Variants in COL28A1 observed in about 807,000 individuals in gnomAD.
COL28A1 encodes the protein collagen type XXVIII alpha 1 chain, also known as collagen alpha-1(XXVIII) chain.
A neutral mutation model predicts 150.2 loss-of-function variants in COL28A1; 161 were observed. The observed-to-expected ratio is 1.07, with a 90% CI of 0.94 to 1.22. The LOEUF is 1.22. Ranked by LOEUF, COL28A1 falls within the 50% of genes most tolerant of loss-of-function variation. The pLI is 0.00. For synonymous variants in COL28A1, 552 were observed against 469.7 expected, an observed-to-expected ratio of 1.18 and a Z score of -2.26; for missense variants, 1,617 against 1,388.3, an observed-to-expected ratio of 1.16 and a Z score of -2.62.
intron 33 of COL28A1, among the ~76,000 whole-genome samples, chr7:7,362,192 T>C (rs1209541258): frequency 2.6e-5 from 4 of 152,188 alleles, no homozygotes; most frequent in Non-Finnish European, 4.4e-5. Flanking sequence ...TAAAAAATCA[T>C]GTCAGTCATT....
chr7:7,490,792 C>T (rs1779875055), intron 11 of COL28A1, 146 bp from the exon 12 acceptor site: 2 of 457,296 alleles, frequency 4.4e-6, no homozygotes, highest in East Asian at 3.4e-5. Context: ...TTGTTTACAA[C>T]TCATTTGGAA....
the COL28A1 span, among the ~76,000 whole-genome samples, chr7:7,345,258 T>C: frequency 6.6e-5 from 10 of 152,050 alleles, no homozygotes; most frequent in South Asian, 2.1e-4. Context: ...AAAATAAAAG[T>C]TTCTCATGAT....
chr7:7,481,367 A>G (rs1012651426), intron 13 of COL28A1, among the ~76,000 whole-genome samples: 6 of 152,230 alleles, frequency 3.9e-5, no homozygotes, highest in African/African-American at 1.4e-4. Flanking sequence ...TATATTCTCA[A>G]GTCTTCCAGT....
At position 7,404,041 on chromosome 7, in the gene COL28A1, A is replaced by G. The variant is rs143394389; in HGVS notation, c.2136+13818T>C. On this transcript the variant is annotated intron_variant, in intron 27 of 34. Coordinates refer to ENST00000399429, the MANE Select transcript of COL28A1 (RefSeq NM_001037763.3). ...CCCTGTTGCAGTGTATTCTCAGCCCAAGAGTCACAGTCATTTTTTTTTAAT... is the reference window on the plus strand; with the variant it reads ...CCCTGTTGCAGTGTATTCTCAGCCCGAGAGTCACAGTCATTTTTTTTTAAT... Among the ~76,000 whole-genome samples, 456 of 152,294 alleles carry G rather than the reference A, an allele frequency of 3.0e-3. 1 individual carries two copies. The highest frequency in any genetic ancestry group is 7.1e-3 in the Admixed American group (109 of 15,296).
Position 7,390,026 on chromosome 7 carries a change from A to G in COL28A1, c.2137-8414T>C, listed in dbSNP as rs141978391. On this transcript the variant is annotated intron_variant, in intron 27 of 34. Coordinates refer to ENST00000399429, the MANE Select transcript of COL28A1 (RefSeq NM_001037763.3). ...TGCCTTGGCCAGAACTTCCAATACT[A>G]TGTTGAATAGGAATGGTGAGAGAGG... Among the ~76,000 whole-genome samples the G allele has an allele frequency of 8.0e-3, 1,223 of 152,264 alleles. 25 individuals carry two copies. The highest frequency in any genetic ancestry group is 0.028 in the African/African-American group (1,171 of 41,548).
intron 18 of COL28A1, among the ~76,000 whole-genome samples, chr7:7,450,189 C>T (rs1786579863): frequency 6.6e-6 from 1 of 152,066 alleles, no homozygotes; most frequent in Non-Finnish European, 1.5e-5. Flanking sequence ...GACTATTCAA[C>T]AACTGATTCT....
intron 27 of COL28A1, among the ~76,000 whole-genome samples, chr7:7,389,631 A>G (rs1022929944): frequency 6.6e-6 from 1 of 152,248 alleles, no homozygotes; most frequent in African/African-American, 2.4e-5. Flanking sequence ...GTCCATGAGC[A>G]TGGAGTGCTT....
rs186951365 is a variant in COL28A1, at chr7:7,516,328, C to T, written c.856-488G>A. On this transcript the variant is annotated intron_variant, in intron 7 of 34. Transcript: ENST00000399429. Reference sequence around the variant, plus strand: ...TCCATTATGGTCCTCCTTACAAATTCGGTCTAAGATATATAACATCAAGGA... The same window carrying T: ...TCCATTATGGTCCTCCTTACAAATTTGGTCTAAGATATATAACATCAAGGA... Among the ~76,000 whole-genome samples the T allele has an allele frequency of 2.8e-3, 427 of 152,270 alleles. 4 individuals are homozygous for T. The highest frequency in any genetic ancestry group is 9.7e-3 in the African/African-American group (401 of 41,554).
At chr7:7,530,483 TA>T in intron 3 of COL28A1, among the ~76,000 whole-genome samples, 1 of 152,192 alleles carries the variant, frequency 6.6e-6, no homozygotes, top group East Asian at 1.9e-4. Flanking sequence ...GCTCAGTACA[TA>T]AAGGACACCT....
chr7:7,537,479 A>T (rs1220214261), upstream of COL28A1, among the ~76,000 whole-genome samples: 4 of 152,184 alleles, frequency 2.6e-5, no homozygotes, highest in East Asian at 7.7e-4. Context: ...CCTTGTACTT[A>T]GTAGATGTTG....
intron 15 of COL28A1, among the ~76,000 whole-genome samples, chr7:7,473,492 C>T (rs1287398456): frequency 3.3e-5 from 5 of 152,192 alleles, no homozygotes; most frequent in Non-Finnish European, 7.4e-5. Flanking sequence ...TGTGATACCA[C>T]CTTACTCCTG....
At chr7:7,407,207 G>A (rs1037365273) in intron 27 of COL28A1, among the ~76,000 whole-genome samples, 2 of 151,978 alleles carry the variant, frequency 1.3e-5, no homozygotes, top group South Asian at 2.1e-4. Flanking sequence ...GAACTAAAAC[G>A]TTTAACTAAT....
intron 15 of COL28A1, among the ~76,000 whole-genome samples, chr7:7,469,692 C>G (rs1276080992): frequency 1.3e-5 from 1 of 79,824 alleles, no homozygotes; most frequent in Non-Finnish European, 2.4e-5. Flanking sequence ...AGGCATCACA[C>G]TACCTGACTT....
chr7:7,384,769 G>A (rs1782085035), intron 27 of COL28A1, among the ~76,000 whole-genome samples: 1 of 152,108 alleles, frequency 6.6e-6, no homozygotes, highest in African/African-American at 2.4e-5. Context: ...ACCCTGGATA[G>A]GAATTTGTAC....
chr7:7,515,939 A>C, intron 7 of COL28A1, 99 bp from the exon 8 acceptor site: 2 of 694,286 alleles, frequency 2.9e-6, no homozygotes, highest in Non-Finnish European at 2.6e-6. Flanking sequence ...ACAAAAACAC[A>C]TCTATACAGT....
chr7:7,351,580 A>G (rs1295391611), downstream of COL28A1, among the ~76,000 whole-genome samples: 1 of 152,186 alleles, frequency 6.6e-6, no homozygotes, highest in Non-Finnish European at 1.5e-5. Context: ...TAACTTGATT[A>G]AAACAGGCTT....
intron 27 of COL28A1, among the ~76,000 whole-genome samples, chr7:7,416,366 A>G (rs7812265): frequency 0.17 from 25,669 of 152,118 alleles, 2,625 homozygotes; most frequent in African/African-American, 0.28. Flanking sequence ...AACACAACCC[A>G]GGTGAGAATG....
In COL28A1 at chr7:7,452,211, G is replaced by A. The variant is rs75641746; in HGVS notation, c.1509+108C>T. On this transcript the variant is annotated intron_variant, in intron 18 of 34. Transcript: ENST00000399429. ...TTAAAAAGTAAAAGGAGCCCATTAT[G>A]TAGAGTTAGATAACACACACAGAGT... is the stretch of plus-strand genomic sequence containing the variant. The A allele has an allele frequency of 9.5e-3, 14,022 of 1,481,312 alleles. 1,156 individuals carry two copies. In the African/African-American group the frequency reaches 0.18, roughly 19 times the overall value. 91.8% of individuals were successfully genotyped at this position (1,481,312 alleles called of 1,614,324 possible). A position where few individuals can be genotyped will look rare whatever the true frequency, so the allele number is the denominator to read the frequency against.
Position 7,456,059 on chromosome 7 carries a change from C to A in COL28A1, c.1356G>T (p.Gly452=). Residue 452 remains glycine (G), a synonymous_variant, in exon 16 of 35, where the codon GGG becomes GGT. Coordinates refer to ENST00000399429, the MANE Select transcript of COL28A1 (RefSeq NM_001037763.3). ...CATTAATTACCTGTTCCCCTTGACT[C>A]CCGATTCCAGGGATACCCATTGGTC... is the stretch of plus-strand genomic sequence containing the variant. The part of the protein sequence containing the change: ...PQGPMGIPGI[G]SQGEQGIQGP... 5 of 1,613,930 alleles carry A rather than the reference C, an allele frequency of 3.1e-6. No homozygotes were observed. The highest frequency in any genetic ancestry group is 4.2e-6 in the Non-Finnish European group (5 of 1,179,906).
Sources: gnomAD v4.1 joint callset for allele counts (sites outside exome capture counted in the v4.1 genomes callset) on GRCh38, gnomAD v4.1.1 for gene constraint, MANE v1.5 for transcripts, NCBI Gene and HGNC (gene_info 2026-07-23, HGNC 2026-07-21) for gene names.